Variants in PLXNA4 observed in about 807,000 individuals in gnomAD.
PLXNA4 encodes plexin A4, also known as plexin-A4.
PLXNA4 carries 44 observed loss-of-function variants against 191.8 expected under a neutral mutation model. The observed-to-expected ratio is 0.23, with a 90% confidence interval of 0.18 to 0.29. The LOEUF (loss-of-function observed/expected upper bound fraction) is 0.29, where lower values mean the gene tolerates loss of function less well. PLXNA4 is among the 10% of genes least tolerant of loss of function. PLXNA4 has a pLI of 1.00. For synonymous variants in PLXNA4, 1,082 were observed against 1,009.5 expected (o/e 1.07, Z -1.36); for missense variants, 1,800 against 2,488.8 (o/e 0.72, Z 5.89).
chr7:132,394,867 C>G (rs1422267326), intron 3 of PLXNA4, among the ~76,000 whole-genome samples: 1 of 152,254 alleles, frequency 6.6e-6, no homozygotes, highest in Non-Finnish European at 1.5e-5. Context: ...AAAAATCTCT[C>G]TGCTTCGCCA....
rs771636151 is a variant in PLXNA4, at chr7:132,508,279, T to G, written c.415A>C (p.Lys139Gln). 1 of 1,614,204 alleles carries G rather than the reference T, an allele frequency of 6.2e-7. No homozygotes were observed. The highest frequency in any genetic ancestry group is 2.2e-5 in the East Asian group (1 of 44,868). ...ACGSLYQGICKLLRLEDLFKL... is the reference protein window; with the variant it reads ...ACGSLYQGICQLLRLEDLFKL... ...AAGAGGTCCTCCAGCCTCAGCAGCTTGCAGATGCCTTGGTACAGGCTCCCA... is the reference window on the plus strand; with the variant it reads ...AAGAGGTCCTCCAGCCTCAGCAGCTGGCAGATGCCTTGGTACAGGCTCCCA... The change falls in exon 2 of 32, where the codon AAG becomes CAG. Residue 139 changes from lysine to glutamine, a missense_variant. Transcript: ENST00000321063. This position sits in a 1 kb window ranked among gnomAD's most constrained non-coding sequence, Gnocchi z 4.4.
At chr7:132,371,461 G>T (rs1419697726) in intron 3 of PLXNA4, among the ~76,000 whole-genome samples, 2 of 152,154 alleles carry the variant, frequency 1.3e-5, no homozygotes, top group Admixed American at 6.5e-5. Flanking sequence ...TCCTGCCAAT[G>T]ATGTCAGTAC....
chr7:132,584,769 T>G (rs960304786), intron 2 of PLXNA4, among the ~76,000 whole-genome samples: 6 of 152,246 alleles, frequency 3.9e-5, no homozygotes, highest in African/African-American at 1.4e-4. Flanking sequence ...TTGTATATTC[T>G]TTTTTCTTTT....
chr7:132,285,920 C>T (rs567871201), intron 4 of PLXNA4, among the ~76,000 whole-genome samples: 1 of 152,080 alleles, frequency 6.6e-6, no homozygotes, highest in South Asian at 2.1e-4. Context: ...TGGTCAAGGC[C>T]CACCCACCAC....
intron 2 of PLXNA4, among the ~76,000 whole-genome samples, chr7:132,645,163 C>T (rs1043609225): frequency 1.3e-5 from 2 of 152,206 alleles, no homozygotes; most frequent in Non-Finnish European, 2.9e-5. Flanking sequence ...CATGCAGCCG[C>T]TTCCTTTGCC....
intron 25 of PLXNA4, among the ~76,000 whole-genome samples, chr7:132,149,823 T>G (rs1406050703): frequency 6.6e-6 from 1 of 152,194 alleles, no homozygotes; most frequent in Non-Finnish European, 1.5e-5. Flanking sequence ...ATTCTCTTCC[T>G]CGTTTCCCTC....
intron 3 of PLXNA4, chr7:132,368,026 G>C (rs1408225910): frequency 6.6e-6 from 1 of 152,196 alleles, no homozygotes; most frequent in Admixed American, 6.5e-5. Context: ...GGAGGGCAGA[G>C]ATCACAGGGG....
chr7:132,394,926 G>A (rs538488019), intron 3 of PLXNA4, among the ~76,000 whole-genome samples: 3 of 152,366 alleles, frequency 2.0e-5, no homozygotes, highest in South Asian at 2.1e-4. Flanking sequence ...CAGGTGAGCC[G>A]TGGGACCAGC....
intron 9 of PLXNA4, among the ~76,000 whole-genome samples, chr7:132,216,975 C>T (rs1797982054): frequency 6.6e-6 from 1 of 152,174 alleles, no homozygotes; most frequent in Non-Finnish European, 1.5e-5. Flanking sequence ...CCAAAAGAAC[C>T]CAACTCCCTC....
intron 20 of PLXNA4, among the ~76,000 whole-genome samples, chr7:132,178,866 A>T (rs1280081083): frequency 1.4e-5 from 2 of 141,304 alleles, no homozygotes; most frequent in Non-Finnish European, 3.0e-5. Flanking sequence ...ACACACACAC[A>T]CACACACAGC....
chr7:132,223,727 A>C (rs1365947868), intron 8 of PLXNA4, 86 bp from the exon 9 acceptor site: 3 of 1,019,898 alleles, frequency 2.9e-6, no homozygotes, highest in Admixed American at 2.0e-5. Context: ...CTAGCAAAAC[A>C]TTTTTAGTAT....
intron 21 of PLXNA4, among the ~76,000 whole-genome samples, chr7:132,171,845 G>A (rs1036299902): frequency 3.6e-4 from 54 of 152,100 alleles, no homozygotes; most frequent in African/African-American, 1.3e-3. Context: ...GAATATGAGT[G>A]TCTATGTCAT....
At chr7:132,314,704 T>C (rs538800209) in intron 3 of PLXNA4, among the ~76,000 whole-genome samples, 10 of 152,216 alleles carry the variant, frequency 6.6e-5, no homozygotes, top group Non-Finnish European at 1.3e-4. Context: ...ATCAGAACTG[T>C]CCTGGGTCTG....
intron 4 of PLXNA4, among the ~76,000 whole-genome samples, chr7:132,262,924 A>T (rs117039575): frequency 0.015 from 2,315 of 152,232 alleles, 28 homozygotes; most frequent in South Asian, 0.051. Context: ...CAAGGTTTGG[A>T]TGGAGCTGGG....
chr7:132,164,768 G>C (rs909444901), intron 23 of PLXNA4, among the ~76,000 whole-genome samples: 1 of 152,262 alleles, frequency 6.6e-6, no homozygotes, highest in Admixed American at 6.5e-5. Context: ...CCGGCCGGGG[G>C]GCCTTATCAG....
At chr7:132,432,539 A>G (rs1795304668) in intron 3 of PLXNA4, among the ~76,000 whole-genome samples, 1 of 152,024 alleles carries the variant, frequency 6.6e-6, no homozygotes, top group Admixed American at 6.5e-5. Context: ...AGATTTTCAC[A>G]TCTATTATTC....
intron 2 of PLXNA4, among the ~76,000 whole-genome samples, chr7:132,595,537 C>A (rs1802693257): frequency 6.6e-6 from 1 of 152,168 alleles, no homozygotes; most frequent in Non-Finnish European, 1.5e-5. Flanking sequence ...TGAATAATTA[C>A]CTTGTTCTTA....
At chr7:132,464,720 C>G (rs1796635879) in intron 3 of PLXNA4, among the ~76,000 whole-genome samples, 1 of 152,142 alleles carries the variant, frequency 6.6e-6, no homozygotes, top group Non-Finnish European at 1.5e-5. Context: ...TATTGATCAA[C>G]AAAACGAAAA....
intron 20 of PLXNA4, among the ~76,000 whole-genome samples, chr7:132,176,725 AGTGTGTATGT>A (rs1239729081): frequency 6.7e-6 from 1 of 149,656 alleles, no homozygotes; most frequent in African/African-American, 2.5e-5. Flanking sequence ...TATGTCAATG[AGTGTGTATGT>A]GTGTGAATGT....
Sources: allele counts gnomAD v4.1 joint callset (sites outside exome capture counted in the v4.1 genomes callset), GRCh38; gene constraint gnomAD v4.1.1; non-coding constraint Gnocchi (gnomAD v3.1); transcripts MANE v1.5; gene names NCBI Gene and HGNC (gene_info 2026-07-23, HGNC 2026-07-21).